Variants in TMC5 observed in about 807,000 individuals in gnomAD.
The protein encoded by TMC5 is transmembrane channel like 5.
TMC5 carries 86 observed loss-of-function variants against 110.5 expected under a neutral mutation model. The observed-to-expected ratio is 0.78, with a 90% CI of 0.65 to 0.93. The LOEUF is 0.93. TMC5 is among the 40% of genes least tolerant of loss of function. The pLI is 0.00. For synonymous variants in TMC5, 455 were observed against 439.5 expected, an observed-to-expected ratio of 1.04 and a Z score of -0.44; for missense variants, 1,144 against 1,222.8, an observed-to-expected ratio of 0.94 and a Z score of 0.96.
intron 1 of TMC5, among the ~76,000 whole-genome samples, chr16:19,418,604 T>TA (rs754665459): frequency 2.6e-5 from 4 of 151,486 alleles, no homozygotes; most frequent in African/African-American, 4.8e-5. Context: ...TTCTGAGATT[T>TA]AAAAAAAAAT....
rs1230889493 is a variant in TMC5 at position 19,495,019 on chromosome 16, T to TAA, written c.2931+653_2931+654insAA. Reference sequence around the variant, plus strand: ...ATACTTCAGTGTCTATTCTTTTTTTTTTTTTTTTTTTTTGAGACGGAGTCT... The same window carrying TAA: ...ATACTTCAGTGTCTATTCTTTTTTTTAATTTTTTTTTTTTTGAGACGGAGTCT... On this transcript the variant is annotated intron_variant, in intron 20 of 21. Transcript: ENST00000542583. Among the ~76,000 whole-genome samples the TAA allele has an allele frequency of 4.6e-3, 214 of 46,366 alleles. 1 individual carries two copies. Among genetic ancestry groups the TAA allele is most frequent in the Middle Eastern group, 9.4e-3 (1 of 106 alleles). 30.4% of individuals were successfully genotyped at this position (46,366 alleles called of 152,430 possible).
At chr16:19,470,309 C>T (rs1968304950) in intron 10 of TMC5, among the ~76,000 whole-genome samples, 1 of 152,136 alleles carries the variant, frequency 6.6e-6, no homozygotes, top group Non-Finnish European at 1.5e-5. Flanking sequence ...CTACATCAGC[C>T]TCCCAAGTAG....
At chr16:19,422,877 G>C (rs1450085562) in intron 1 of TMC5, among the ~76,000 whole-genome samples, 1 of 152,224 alleles carries the variant, frequency 6.6e-6, no homozygotes, top group Non-Finnish European at 1.5e-5. Context: ...GAACCTGGGA[G>C]GTGGAGGTTG....
chr16:19,433,879 G>T (rs553667633), intron 2 of TMC5, among the ~76,000 whole-genome samples: 12 of 148,602 alleles, frequency 8.1e-5, no homozygotes, highest in African/African-American at 3.0e-4. Context: ...GGAGTACAAT[G>T]GTGCGGTCAT....
intron 17 of TMC5, among the ~76,000 whole-genome samples, chr16:19,488,754 C>T (rs1331463906): frequency 1.3e-5 from 2 of 152,190 alleles, no homozygotes; most frequent in Non-Finnish European, 2.9e-5. Context: ...TTCATTCTAT[C>T]ATTCATAATC....
At chr16:19,495,305 C>T (rs1256252471) in intron 20 of TMC5, among the ~76,000 whole-genome samples, 1 of 150,024 alleles carries the variant, frequency 6.7e-6, no homozygotes, top group Non-Finnish European at 1.5e-5. Flanking sequence ...TGAGCCACCG[C>T]GCCCGGCCTA....
At chr16:19,449,664 C>A in intron 5 of TMC5, 33 bp downstream of exon 5, 7 of 1,574,098 alleles carry the variant, frequency 4.4e-6, no homozygotes, top group Non-Finnish European at 6.1e-6. Context: ...GTGTCCCCAC[C>A]CAACTCTCAT....
chr16:19,449,177 G>T (rs1427424843), intron 4 of TMC5, among the ~76,000 whole-genome samples: 3 of 151,720 alleles, frequency 2.0e-5, no homozygotes, highest in Admixed American at 1.3e-4. Flanking sequence ...TTAGAGACAG[G>T]GTCTCATTAT....
rs148716221 is a variant in TMC5, at chr16:19,456,878, G to C, written c.1049-3357G>C. ...CATTGATGTGATAGACTCTCAGACA[G>C]TCAGCAAAAGGAATGACCAAAAGGG... On this transcript the variant is annotated intron_variant, in intron 5 of 21. Coordinates refer to ENST00000542583, the MANE Select transcript of TMC5 (RefSeq NM_001261841.2). 6,598 of 1,614,182 alleles carry C rather than the reference G, an allele frequency of 4.1e-3. 19 individuals are homozygous for C. The highest frequency in any genetic ancestry group is 5.3e-3 in the Middle Eastern group (32 of 6,062).
At chr16:19,446,616 G>T (rs78660367) in intron 4 of TMC5, among the ~76,000 whole-genome samples, 17,621 of 152,198 alleles carry the variant, frequency 0.12, 1,447 homozygotes, top group African/African-American at 0.23. Context: ...GACTTAGAAA[G>T]AAATATGCAC....
chr16:19,477,478 G>C lies in TMC5; in HGVS notation c.2129G>C (p.Cys710Ser). ...FLKISIIGIL[C>S]YYWLNTVALS... Reference sequence around the variant, plus strand: ...AAAATATCAATCATTGGCATTCTTTGTTACTATTGGCTCAACACCGTGGCC... The same window carrying C: ...AAAATATCAATCATTGGCATTCTTTCTTACTATTGGCTCAACACCGTGGCC... Residue 710 changes from cysteine to serine, a missense_variant, in exon 13 of 22, where the codon TGT (cysteine) becomes TCT (serine). Physicochemically the swap from Cys to Ser is moderately radical, Grantham distance 112. Coordinates refer to ENST00000542583, the MANE Select transcript of TMC5 (RefSeq NM_001261841.2). 6.2e-7 allele frequency: 1 copy of C among 1,612,940 alleles called. No homozygotes were observed. The highest frequency in any genetic ancestry group is 8.5e-7 in the Non-Finnish European group (1 of 1,179,438).
intron 2 of TMC5, among the ~76,000 whole-genome samples, chr16:19,431,746 G>A (rs937745620): frequency 1.1e-4 from 16 of 152,018 alleles, no homozygotes; most frequent in African/African-American, 3.9e-4. Context: ...CAATTCACAG[G>A]CTTCATGATC....
At chr16:19,444,780 G>A (rs1042558186) in intron 4 of TMC5, among the ~76,000 whole-genome samples, 6 of 152,184 alleles carry the variant, frequency 3.9e-5, no homozygotes, top group African/African-American at 1.2e-4. Flanking sequence ...GAGTTAAGAG[G>A]TAGCTCTGCC....
At chr16:19,431,044 C>T (rs1363701663) in intron 2 of TMC5, among the ~76,000 whole-genome samples, 2 of 152,086 alleles carry the variant, frequency 1.3e-5, no homozygotes, top group African/African-American at 4.8e-5. Flanking sequence ...ATTATTTGGT[C>T]TGTTTTAAGT....
intron 2 of TMC5, among the ~76,000 whole-genome samples, chr16:19,434,517 T>G (rs1967299848): frequency 7.3e-6 from 1 of 136,324 alleles, no homozygotes; most frequent in African/African-American, 2.7e-5. Context: ...GAGATGGGGG[T>G]CTTGCTATGT....
chr16:19,490,273 T>C, intron 17 of TMC5, 122 bp from the exon 18 acceptor site: 2 of 938,794 alleles, frequency 2.1e-6, no homozygotes, highest in Non-Finnish European at 3.3e-6. Flanking sequence ...GGGAAGTGGG[T>C]GTGATTGGAT....
At chr16:19,422,678 A>G in intron 1 of TMC5, among the ~76,000 whole-genome samples, 1 of 152,068 alleles carries the variant, frequency 6.6e-6, no homozygotes, top group East Asian at 1.9e-4. Context: ...ATTTAAAAAT[A>G]GGCCGGGCCC....
At chr16:19,467,999 G>C (rs1447592836) in intron 9 of TMC5, among the ~76,000 whole-genome samples, 1 of 152,026 alleles carries the variant, frequency 6.6e-6, no homozygotes, top group Non-Finnish European at 1.5e-5. Context: ...TTTTGAGACA[G>C]AGTCTTGCTC....
At chr16:19,476,116 G>A (rs1968482888) in intron 12 of TMC5, among the ~76,000 whole-genome samples, 1 of 152,260 alleles carries the variant, frequency 6.6e-6, no homozygotes, top group South Asian at 2.1e-4. Flanking sequence ...GGGTGGCCAA[G>A]GTGGGAGGAT....
Sources: gnomAD v4.1 joint callset for allele counts (sites outside exome capture counted in the v4.1 genomes callset) on GRCh38, gnomAD v4.1.1 for gene constraint, MANE v1.5 for transcripts, NCBI Gene and HGNC (gene_info 2026-07-23, HGNC 2026-07-21) for gene names.